The following PSMG4 variants were observed in gnomAD, a reference collection of about 807,000 sequenced individuals.
The protein encoded by PSMG4 is proteasome (prosome, macropain) assembly chaperone 4.
PSMG4 carries 10 observed loss-of-function variants against 11.0 expected under a neutral mutation model. That is an observed-to-expected ratio of 0.91 (90% CI 0.56 to 1.54). The LOEUF is 1.54. Ranked by LOEUF, PSMG4 falls within the 40% of genes most tolerant of loss-of-function variation. The pLI is 0.00. For synonymous variants in PSMG4, 95 were observed against 71.3 expected, an observed-to-expected ratio of 1.33 and a Z score of -1.68; for missense variants, 198 against 160.9, an observed-to-expected ratio of 1.23 and a Z score of -1.25.
chr6:3,259,790 C>T (rs1470587847), intron 1 of PSMG4, among the ~76,000 whole-genome samples: 1 of 152,224 alleles, frequency 6.6e-6, no homozygotes, highest in African/African-American at 2.4e-5. Context: ...CCCTCACCTT[C>T]ACCCTGCCGC....
At chr6:3,254,685 CA>C, upstream of PSMG4, among the ~76,000 whole-genome samples, 1 of 152,200 alleles carries the variant, frequency 6.6e-6, no homozygotes, top group Non-Finnish European at 1.5e-5. Context: ...CCACTAAACT[CA>C]ACAGAAAGAA....
chr6:3,255,919 C>G (rs964307624), upstream of PSMG4, among the ~76,000 whole-genome samples: 2 of 152,176 alleles, frequency 1.3e-5, no homozygotes, highest in African/African-American at 4.8e-5. Context: ...TTGCTGCATC[C>G]TTGGTCACGT....
chr6:3,259,459 T>A (rs1757889449), intron 1 of PSMG4, among the ~76,000 whole-genome samples: 1 of 152,234 alleles, frequency 6.6e-6, no homozygotes, highest in Non-Finnish European at 1.5e-5. Context: ...CAGAATGTCT[T>A]GGGTCTGTCC....
At chr6:3,262,792 G>GGTT (rs10622830) in intron 1 of PSMG4, among the ~76,000 whole-genome samples, 2,928 of 141,804 alleles carry the variant, frequency 0.021, 39 homozygotes, top group Non-Finnish European at 0.031. Context: ...ACCAATAAGT[G>GGTT]TTTTTTTTTT....
chr6:3,256,824 C>T (rs1285482616), upstream of PSMG4, among the ~76,000 whole-genome samples: 3 of 152,068 alleles, frequency 2.0e-5, no homozygotes, highest in African/African-American at 4.8e-5. Flanking sequence ...TGGGCTGCCA[C>T]GGGGAGGGTG....
chr6:3,255,212 G>C, upstream of PSMG4: 10 of 1,550,168 alleles, frequency 6.5e-6, no homozygotes, highest in Non-Finnish European at 7.8e-6. Context: ...GGTGGCAGCA[G>C]GAGCAAAATC....
upstream of PSMG4, among the ~76,000 whole-genome samples, chr6:3,254,843 C>G (rs573215135): frequency 3.9e-5 from 6 of 152,320 alleles, no homozygotes; most frequent in Admixed American, 6.5e-5. Context: ...CCTTAGAAAA[C>G]ACTTTAACTC....
At chr6:3,254,495 T>C (rs1757667648), upstream of PSMG4, among the ~76,000 whole-genome samples, 1 of 151,990 alleles carries the variant, frequency 6.6e-6, no homozygotes, top group East Asian at 1.9e-4. Flanking sequence ...GCTGGTGGTT[T>C]TTTGTGTATG....
At chr6:3,261,828 G>GC (rs1238772219) in intron 1 of PSMG4, among the ~76,000 whole-genome samples, 1 of 152,226 alleles carries the variant, frequency 6.6e-6, no homozygotes, top group Admixed American at 6.5e-5. Flanking sequence ...ACTCTGTGGA[G>GC]CTCTTGTACC....
At chr6:3,256,281 A>C (rs1466513646), upstream of PSMG4, among the ~76,000 whole-genome samples, 1 of 152,138 alleles carries the variant, frequency 6.6e-6, no homozygotes, top group Non-Finnish European at 1.5e-5. Flanking sequence ...TTCTAGGTAT[A>C]TATATCCCAG....
intron 2 of PSMG4, chr6:3,266,497 T>C (rs1758186931): frequency 6.6e-6 from 1 of 152,304 alleles, no homozygotes; most frequent in African/African-American, 2.4e-5. Flanking sequence ...TGGCCCTGCG[T>C]ATGGGTGAGG....
upstream of PSMG4, among the ~76,000 whole-genome samples, chr6:3,254,516 A>C (rs534055289): frequency 2.0e-5 from 3 of 149,978 alleles, no homozygotes; most frequent in Non-Finnish European, 4.5e-5. Context: ...TGTTGGGTTT[A>C]TGAGCTGTAA....
At chr6:3,255,006 A>G (rs547264286), upstream of PSMG4, 31 of 1,543,312 alleles carry the variant, frequency 2.0e-5, no homozygotes, top group African/African-American at 2.9e-4. Flanking sequence ...GCGCACTCCC[A>G]TGTGGGAGCG....
chr6:3,262,802 TCCC>T (rs145369798), intron 1 of PSMG4, among the ~76,000 whole-genome samples: 8 of 149,488 alleles, frequency 5.4e-5, no homozygotes, highest in Non-Finnish European at 4.4e-5. Context: ...GTTTTTTTTT[TCCC>T]CCTTTGGAAG....
chr6:3,260,292 T>TATATATATATATATATATATATATATA (rs1554129658), intron 1 of PSMG4, among the ~76,000 whole-genome samples: 10 of 12,636 alleles, frequency 7.9e-4, no homozygotes, highest in African/African-American at 1.9e-3. Context: ...TATATATATA[T>TATATATATATATATATATATATATATA]TTTTTTTTTT....
intron 1 of PSMG4, 41 bp downstream of exon 1, chr6:3,259,237 GGC>G: frequency 1.6e-6 from 2 of 1,248,752 alleles, no homozygotes; most frequent in Non-Finnish European, 2.0e-6. Context: ...GCGGGGCGGG[GGC>G]GCGGGGGCGC....
At chr6:3,255,230 G>T (rs756682507), upstream of PSMG4, 8 of 1,549,472 alleles carry the variant, frequency 5.2e-6, no homozygotes, top group African/African-American at 1.4e-5. Context: ...ATCAACTCTG[G>T]TAAGCCTTCC....
rs1002903820 is a variant in PSMG4 at position 3,267,797 on chromosome 6, G to C, written c.*85G>C. ...TTGAATTTCAGTTTGTCATCAGGCC[G>C]CGCTCCCGTTTTGTTTTTAAGGGGT... On this transcript the variant is annotated 3_prime_UTR_variant, in exon 3 of 3. Coordinates refer to ENST00000438998, the MANE Select transcript of PSMG4 (RefSeq NM_001128591.2). 6.5e-6 allele frequency: 9 copies of C among 1,388,422 alleles called. No individual in the cohort carries two copies. In the South Asian group the frequency reaches 9.3e-5, roughly 14 times the overall value. 86.0% of individuals were successfully genotyped at this position (1,388,422 alleles called of 1,614,324 possible). A position where few individuals can be genotyped will look rare whatever the true frequency, so the allele number is the denominator to read the frequency against.
chr6:3,256,622 A>C (rs1054986039), upstream of PSMG4, among the ~76,000 whole-genome samples: 6 of 152,346 alleles, frequency 3.9e-5, no homozygotes, highest in East Asian at 1.9e-4. Flanking sequence ...GGGGGTGACA[A>C]CATTCAGCCG....
Sources: gnomAD v4.1 joint callset for allele counts (sites outside exome capture counted in the v4.1 genomes callset) on GRCh38, gnomAD v4.1.1 for gene constraint, MANE v1.5 for transcripts, NCBI Gene and HGNC (gene_info 2026-07-23, HGNC 2026-07-21) for gene names.